The following MTF1 variants were observed in gnomAD, a reference collection of about 807,000 sequenced individuals.
The protein encoded by MTF1 is metal regulatory transcription factor 1.
MTF1 carries 22 observed loss-of-function variants against 70.4 expected under a neutral mutation model. The observed-to-expected ratio is 0.31, with a 90% confidence interval of 0.22 to 0.45. The LOEUF is 0.45. MTF1 is among the 20% of genes least tolerant of loss of function. The pLI is 1.00. For missense variants in MTF1, 649 were observed against 922.0 expected (o/e 0.70, Z 3.83); for synonymous variants, 333 against 352.8 (o/e 0.94, Z 0.63).
At chr1:37,844,735 C>G (rs1206190639) in intron 2 of MTF1, among the ~76,000 whole-genome samples, 2 of 152,244 alleles carry the variant, frequency 1.3e-5, no homozygotes, top group East Asian at 3.9e-4. Flanking sequence ...TTAACTACCC[C>G]CTCCTGTCTC....
At chr1:37,857,119 T>C in intron 2 of MTF1, 132 bp downstream of exon 2, 2 of 816,398 alleles carry the variant, frequency 2.4e-6, no homozygotes, top group East Asian at 2.7e-5. Context: ...CTGAGGCATA[T>C]GTTGTTGATA....
chr1:37,823,509 G>T (rs1640950865), intron 8 of MTF1, among the ~76,000 whole-genome samples: 1 of 152,112 alleles, frequency 6.6e-6, no homozygotes, highest in Non-Finnish European at 1.5e-5. Context: ...ACAGCCAACA[G>T]AAGATTCTGG....
Position 37,830,882 on chromosome 1 carries a change from T to G in MTF1, c.1068+1363A>C, listed in dbSNP as rs965399295. On this transcript the variant is annotated intron_variant, in intron 7 of 10. Coordinates refer to ENST00000373036, the MANE Select transcript of MTF1 (RefSeq NM_005955.3). ...TTCGGAGAGAGTTTATACACAGAAC[T>G]TGGGGCTCCCCCTTAGTGACTCTTT... Among the ~76,000 whole-genome samples, 3 of 152,196 alleles carry G rather than the reference T, an allele frequency of 2.0e-5. 1 individual carries two copies. In the South Asian group the frequency reaches 6.2e-4, roughly 31 times the overall value.
Position 37,809,908 on chromosome 1 carries a change from G to A in MTF1, c.*5228C>T, listed in dbSNP as rs576335941. The A allele has an allele frequency of 2.0e-5, 3 of 152,526 alleles. No individual in the cohort carries two copies. Among genetic ancestry groups the A allele is most frequent in the South Asian group, 4.2e-4 (2 of 4,800 alleles). 9.4% of individuals were successfully genotyped at this position (152,526 alleles called of 1,614,324 possible). ...TTTTAAAAGTTGTCACCAAGACCCC[G>A]GCCAATGATTAGTGTATGTCAAAAA... On this transcript the variant is annotated 3_prime_UTR_variant, in exon 11 of 11. Transcript: ENST00000373036.
At chr1:37,824,539 A>T (rs968336431) in intron 7 of MTF1, among the ~76,000 whole-genome samples, 2 of 152,142 alleles carry the variant, frequency 1.3e-5, no homozygotes, top group African/African-American at 4.8e-5. Context: ...TTCTACTAAA[A>T]ATACAAAAAT....
Position 37,814,892 on chromosome 1 carries a change from C to T in MTF1, c.*244G>A. On this transcript the variant is annotated 3_prime_UTR_variant, in exon 11 of 11. Coordinates refer to ENST00000373036, the MANE Select transcript of MTF1 (RefSeq NM_005955.3). ...CAACAAGCAAAAGTGACATACAGTG[C>T]AGCCAAACAGTTCACTTATAACTTA... The T allele has an allele frequency of 2.1e-6, 1 of 479,398 alleles. No homozygotes were observed. Among genetic ancestry groups the T allele is most frequent in the South Asian group, 2.8e-5 (1 of 35,410 alleles). The allele number at this position is 479,398 out of a possible 1,614,324, so 29.7% of individuals were successfully genotyped here.
intron 2 of MTF1, among the ~76,000 whole-genome samples, chr1:37,853,542 C>T (rs1317087340): frequency 6.6e-6 from 1 of 152,026 alleles, no homozygotes; most frequent in Non-Finnish European, 1.5e-5. Flanking sequence ...TACTATTTAG[C>T]CCTAAGCAGA....
chr1:37,828,628 TGCTG>T (rs1227618061), intron 7 of MTF1, among the ~76,000 whole-genome samples: 1 of 152,130 alleles, frequency 6.6e-6, no homozygotes, highest in African/African-American at 2.4e-5. Context: ...TTGACCGGGG[TGCTG>T]GTTACATGGG....
At chr1:37,826,754 A>G (rs1465659379) in intron 7 of MTF1, among the ~76,000 whole-genome samples, 1 of 152,142 alleles carries the variant, frequency 6.6e-6, no homozygotes, top group Non-Finnish European at 1.5e-5. Context: ...CGAGGCAGGC[A>G]GATCGCTTGA....
Position 37,850,107 on chromosome 1 carries a change from A to G in MTF1, c.408+7144T>C, listed in dbSNP as rs1420002131. Among the ~76,000 whole-genome samples the G allele has an allele frequency of 3.3e-5, 5 of 152,014 alleles. No homozygotes were observed. The East Asian group carries it at 9.7e-4, about 30-fold the overall frequency. On this transcript the variant is annotated intron_variant, in intron 2 of 10. Transcript: ENST00000373036. ...ACCAAAAAGTAGCCGGCACAGTAGC[A>G]CATGCCTGTGGTCCCAGCTACTGTG...
At position 37,847,913 on chromosome 1, in the gene MTF1, C is replaced by T. The variant is rs1311642740; in HGVS notation, c.409-7755G>A. On this transcript the variant is annotated intron_variant, in intron 2 of 10. Transcript: ENST00000373036. ...TGGTGAGGTCAAGGCTGCAGTGAGC[C>T]GTAATCACTCCACTGCACTCAGCCT... is the stretch of plus-strand genomic sequence containing the variant. Among the ~76,000 whole-genome samples, 8 of 152,062 alleles carry T rather than the reference C, an allele frequency of 5.3e-5. No individual in the cohort carries two copies. The East Asian group carries it at 7.7e-4, about 15-fold the overall frequency.
intron 2 of MTF1, among the ~76,000 whole-genome samples, chr1:37,856,518 T>A (rs1393256182): frequency 2.2e-5 from 3 of 136,750 alleles, no homozygotes; most frequent in African/African-American, 7.9e-5. Context: ...TTTTTTTTTT[T>A]AGATGGAGTC....
chr1:37,830,325 C>T lies in MTF1; in HGVS notation c.1068+1920G>A, dbSNP rs181358090. 1.3e-4 allele frequency among the ~76,000 whole-genome samples: 20 copies of T among 152,280 alleles called. No homozygotes were observed. The East Asian group carries it at 3.9e-3, about 29-fold the overall frequency. Reference sequence around the variant, plus strand: ...CAACTGATTCTTTCTTCTGTCATTTCCAATCTGCTGTTAAGCCCCATCCAG... The same window carrying T: ...CAACTGATTCTTTCTTCTGTCATTTTCAATCTGCTGTTAAGCCCCATCCAG... On this transcript the variant is annotated intron_variant, in intron 7 of 10. Coordinates refer to ENST00000373036, the MANE Select transcript of MTF1 (RefSeq NM_005955.3).
At chr1:37,858,937 G>A (rs368117124) in intron 1 of MTF1, among the ~76,000 whole-genome samples, 1 of 152,156 alleles carries the variant, frequency 6.6e-6, no homozygotes, top group Non-Finnish European at 1.5e-5. Context: ...CTGGCTTTGC[G>A]CTTTATCTTT....
chr1:37,836,944 G>GC (rs1200886574), intron 4 of MTF1, among the ~76,000 whole-genome samples: 1 of 135,772 alleles, frequency 7.4e-6, no homozygotes, highest in African/African-American at 2.8e-5. Flanking sequence ...CGGGAAGGGG[G>GC]GCGGCGGGGA....
intron 1 of MTF1, among the ~76,000 whole-genome samples, chr1:37,858,698 G>T (rs936941557): frequency 6.6e-6 from 1 of 152,178 alleles, no homozygotes; most frequent in Non-Finnish European, 1.5e-5. Context: ...TATGATAAGA[G>T]TTCAGGAAAT....
intron 7 of MTF1, among the ~76,000 whole-genome samples, chr1:37,825,545 TTGA>T (rs1422298188): frequency 8.5e-5 from 13 of 152,208 alleles, no homozygotes; most frequent in Non-Finnish European, 1.6e-4. Flanking sequence ...CCCAGAAATT[TTGA>T]TTTTTACATG....
At chr1:37,857,828 T>C (rs1295483538) in intron 1 of MTF1, 119 bp from the exon 2 acceptor site, 6 of 599,376 alleles carry the variant, frequency 1.0e-5, no homozygotes, top group South Asian at 7.3e-5. Flanking sequence ...TGAAAAACCA[T>C]CCTTGGGAAT....
In MTF1 at chr1:37,815,201, T is replaced by C; in HGVS notation, c.2197A>G (p.Ile733Val). Residue 733 changes from isoleucine (I) to valine (V), a missense_variant, in exon 11 of 11, where the codon ATT becomes GTT. This residue lies in a region of MTF1 where 138 missense variants were observed against 134.4 expected (regional missense o/e 1.03). Coordinates refer to ENST00000373036, the MANE Select transcript of MTF1 (RefSeq NM_005955.3). This position sits in a 1 kb window ranked among gnomAD's most constrained non-coding sequence, Gnocchi z 4.5. ...CCCTGCAGTAGTGCTTCAATGGGAA[T>C]CAGATTGGACGGGGTGTCCAGGCTC... ...LQSLDTPSNLIPIEALLQGEE... is the reference protein window; with the variant it reads ...LQSLDTPSNLVPIEALLQGEE... 6.2e-7 allele frequency: 1 copy of C among 1,614,170 alleles called. No individual in the cohort carries two copies. The highest frequency in any genetic ancestry group is 8.5e-7 in the Non-Finnish European group (1 of 1,180,034).
Sources: allele counts gnomAD v4.1 joint callset (sites outside exome capture counted in the v4.1 genomes callset), GRCh38; gene constraint gnomAD v4.1.1; regional missense constraint gnomAD v4.1.1; non-coding constraint Gnocchi (gnomAD v3.1); transcripts MANE v1.5; gene names NCBI Gene and HGNC (gene_info 2026-07-23, HGNC 2026-07-21).